The following FAM178B variants were observed in gnomAD, a reference collection of about 807,000 sequenced individuals.
FAM178B encodes the protein protein FAM178B.
A neutral mutation model predicts 91.7 loss-of-function variants in FAM178B; 82 were observed. That is an observed-to-expected ratio of 0.89 (90% CI 0.75 to 1.07). The LOEUF is 1.07. Among genes scored for constraint, FAM178B ranks in the 50% least tolerant of loss-of-function variants. The pLI is 0.00. For synonymous variants in FAM178B, 368 were observed against 359.4 expected, an observed-to-expected ratio of 1.02 and a Z score of -0.27; for missense variants, 769 against 846.7, an observed-to-expected ratio of 0.91 and a Z score of 1.14.
intron 14 of FAM178B, among the ~76,000 whole-genome samples, chr2:96,887,182 T>C (rs906699979): frequency 3.9e-5 from 6 of 152,016 alleles, no homozygotes; most frequent in Non-Finnish European, 8.8e-5. Context: ...GCCACTGCAC[T>C]CCAGCCTGGG....
chr2:96,880,033 T>C (rs533648567), intron 14 of FAM178B, among the ~76,000 whole-genome samples: 4 of 152,290 alleles, frequency 2.6e-5, no homozygotes, highest in African/African-American at 9.6e-5. Context: ...GACTGAGACA[T>C]GGTGACATGA....
chr2:96,982,088 G>A (rs546940554), intron 1 of FAM178B, among the ~76,000 whole-genome samples: 11 of 151,996 alleles, frequency 7.2e-5, no homozygotes, highest in East Asian at 1.9e-4. Flanking sequence ...AAAAATCTTC[G>A]TTTATTCCAA....
At chr2:96,916,281 A>G (rs757518256) in intron 12 of FAM178B, among the ~76,000 whole-genome samples, 2 of 152,236 alleles carry the variant, frequency 1.3e-5, no homozygotes, top group Non-Finnish European at 2.9e-5. Context: ...CATCCTGCCA[A>G]CACTGGGCAG....
intron 12 of FAM178B, among the ~76,000 whole-genome samples, chr2:96,912,598 G>C (rs757715017): frequency 6.6e-6 from 1 of 152,088 alleles, no homozygotes; most frequent in Non-Finnish European, 1.5e-5. Flanking sequence ...TGCCCCAAGA[G>C]GTGTCTCCTC....
intron 6 of FAM178B, among the ~76,000 whole-genome samples, chr2:96,957,351 G>A (rs1424517576): frequency 6.6e-6 from 1 of 152,176 alleles, no homozygotes; most frequent in African/African-American, 2.4e-5. Context: ...GCCACTGCCC[G>A]GCAGAGGTCC....
chr2:96,905,290 G>A (rs1170418702), intron 12 of FAM178B, among the ~76,000 whole-genome samples: 3 of 152,140 alleles, frequency 2.0e-5, no homozygotes, highest in Admixed American at 6.5e-5. Flanking sequence ...AGGCACAGTA[G>A]CTCACGCCTG....
intron 1 of FAM178B, among the ~76,000 whole-genome samples, chr2:96,972,908 C>T (rs565864455): frequency 4.3e-4 from 66 of 151,940 alleles, no homozygotes; most frequent in African/African-American, 1.6e-3. Flanking sequence ...ACCTCTGCCT[C>T]CTGGGTTCAA....
chr2:96,887,742 TC>T (rs1182446138), intron 14 of FAM178B, among the ~76,000 whole-genome samples: 1 of 152,126 alleles, frequency 6.6e-6, no homozygotes, highest in East Asian at 1.9e-4. Flanking sequence ...AAGAAGATAA[TC>T]CACAGCGTTG....
At chr2:96,906,602 C>T (rs1161723830) in intron 12 of FAM178B, among the ~76,000 whole-genome samples, 18 of 152,172 alleles carry the variant, frequency 1.2e-4, no homozygotes, top group Admixed American at 1.2e-3. Flanking sequence ...AAAGGCAGCG[C>T]CCACCCGGAC....
At chr2:96,971,772 G>T in intron 3 of FAM178B, 129 bp downstream of exon 3, 1 of 901,778 alleles carries the variant, frequency 1.1e-6, no homozygotes, top group Non-Finnish European at 1.6e-6. Flanking sequence ...AGCAGGGATG[G>T]TCAAGGTGAA....
rs761950206 is a variant in FAM178B, at chr2:96,878,000, T to C, written c.1897A>G (p.Ser633Gly). The change falls in exon 16 of 17, where the codon AGC becomes GGC. Residue 633 changes from serine to glycine, a missense_variant. By Grantham distance (56) the Ser-to-Gly change is moderately conservative. Coordinates refer to ENST00000490605, the MANE Select transcript of FAM178B (RefSeq NM_001122646.3). ...LLCMQLDRHI[S>G]TQIRESPQAM... ...TGGGGGCTCTCCCGGATCTGCGTGC[T>C]GATGTGGCGGTCCAACTGCATGCAC... 9 of 1,612,688 alleles carry C rather than the reference T, an allele frequency of 5.6e-6. No individual in the cohort carries two copies. In the African/African-American group the frequency reaches 8.0e-5, roughly 14 times the overall value.
chr2:96,933,912 G>A (rs146373853), intron 8 of FAM178B, among the ~76,000 whole-genome samples: 2 of 152,302 alleles, frequency 1.3e-5, no homozygotes, highest in East Asian at 1.9e-4. Flanking sequence ...CAATGTTTAC[G>A]GGAGGCTTAA....
chr2:96,964,734 CTTCTTG>C (rs2082123275), intron 5 of FAM178B, among the ~76,000 whole-genome samples: 1 of 152,180 alleles, frequency 6.6e-6, no homozygotes, highest in South Asian at 2.1e-4. Context: ...TCCTTCGTCC[CTTCTTG>C]TTCTTCCAGG....
chr2:96,953,788 C>T (rs543245408), intron 6 of FAM178B, among the ~76,000 whole-genome samples: 9 of 152,322 alleles, frequency 5.9e-5, no homozygotes, highest in African/African-American at 2.2e-4. Context: ...CTTGGCTCAG[C>T]CACAAGCCCT....
At chr2:96,896,608 G>A (rs1661626957) in intron 13 of FAM178B, among the ~76,000 whole-genome samples, 1 of 152,178 alleles carries the variant, frequency 6.6e-6, no homozygotes, top group Non-Finnish European at 1.5e-5. Context: ...CAGGGAAGAG[G>A]TGGTGGAGGC....
chr2:96,970,615 G>T, intron 4 of FAM178B, 101 bp downstream of exon 4: 2 of 886,320 alleles, frequency 2.3e-6, no homozygotes, highest in South Asian at 1.5e-5. Context: ...GAGTCTGGGT[G>T]GGAGGCCGCT....
chr2:96,919,620 A>G (rs1387857482), intron 12 of FAM178B, among the ~76,000 whole-genome samples: 1 of 152,170 alleles, frequency 6.6e-6, no homozygotes, highest in Non-Finnish European at 1.5e-5. Flanking sequence ...GGCAAAGCAG[A>G]GTGGATGGGC....
At chr2:96,893,690 C>T (rs879484179) in intron 14 of FAM178B, among the ~76,000 whole-genome samples, 3 of 152,112 alleles carry the variant, frequency 2.0e-5, no homozygotes, top group Admixed American at 2.0e-4. Context: ...TTGGCCCCTA[C>T]ACCTGCGCAC....
intron 12 of FAM178B, among the ~76,000 whole-genome samples, chr2:96,918,978 G>A (rs1400328490): frequency 5.3e-5 from 8 of 152,140 alleles, no homozygotes; most frequent in African/African-American, 1.4e-4. Flanking sequence ...ACCCTCTCAC[G>A]CGGGCTCTCT....
Sources: allele counts gnomAD v4.1 joint callset (sites outside exome capture counted in the v4.1 genomes callset), GRCh38; gene constraint gnomAD v4.1.1; transcripts MANE v1.5; gene names NCBI Gene and HGNC (gene_info 2026-07-23, HGNC 2026-07-21).